CYP7B1: variants seen among roughly 807,000 people sequenced by gnomAD.
The protein encoded by CYP7B1 is cytochrome P450 family 7 subfamily B member 1, also known as cytochrome P450 7B1.
In CYP7B1, 29 loss-of-function variants were observed where a neutral mutation model predicts 42.7. The ratio of observed to expected loss-of-function variants is 0.68; its 90% CI spans 0.51 to 0.93. The LOEUF is 0.93. CYP7B1 is among the 40% of genes least tolerant of loss of function. CYP7B1 has a pLI of 0.00. For missense variants in CYP7B1, 655 were observed against 600.5 expected (o/e 1.09, Z -0.95); for synonymous variants, 235 against 218.2 (o/e 1.08, Z -0.68).
chr8:64,615,096 T>C lies in CYP7B1; in HGVS notation c.987A>G (p.Thr329=), dbSNP rs768442659. ...GAAATCCAGACCCTTTCTTTTGACC[T>C]GTTGACTGCAGCAAACGGTCAATTT... ...RDEIDRLLQS[T]GQKKGSGFPI... Residue 329 remains threonine, a synonymous_variant, in exon 4 of 6, where the codon ACA becomes ACG. Transcript: ENST00000310193. 6.8e-6 allele frequency: 11 copies of C among 1,613,744 alleles called. No homozygotes were observed. The highest frequency in any genetic ancestry group is 5.0e-5 in the Admixed American group (3 of 59,952).
intron 1 of CYP7B1, among the ~76,000 whole-genome samples, chr8:64,648,538 T>C (rs979368659): frequency 6.6e-6 from 1 of 152,198 alleles, no homozygotes; most frequent in African/African-American, 2.4e-5. Context: ...ATTCTTTAAT[T>C]TCAGTGCTTG....
In CYP7B1 at chr8:64,763,997, G is replaced by C. The variant is rs533646733; in HGVS notation, c.122+34469C>G. On this transcript the variant is annotated intron_variant, in intron 1 of 5. Coordinates refer to ENST00000310193, the MANE Select transcript of CYP7B1 (RefSeq NM_004820.5). The stretch of plus-strand genomic sequence containing the variant: ...TCCTCTAGCAAGTTGTATCTCCAAA[G>C]AGATCTAAGGAAGCTCTACACTGTG... 5.4e-3 allele frequency among the ~76,000 whole-genome samples: 819 copies of C among 152,038 alleles called. 8 individuals carry two copies. Among genetic ancestry groups the C allele is most frequent in the African/African-American group, 0.018 (760 of 41,454 alleles).
chr8:64,736,394 A>C (rs890367084), intron 1 of CYP7B1, among the ~76,000 whole-genome samples: 1 of 152,212 alleles, frequency 6.6e-6, no homozygotes, highest in African/African-American at 2.4e-5. Context: ...CAAAAAATGC[A>C]AGAAAATACA....
chr8:64,622,474 T>C (rs891039525), intron 2 of CYP7B1, among the ~76,000 whole-genome samples: 1 of 152,216 alleles, frequency 6.6e-6, no homozygotes, highest in Non-Finnish European at 1.5e-5. Flanking sequence ...ATCAGCATTG[T>C]CAAACCAGGT....
intron 1 of CYP7B1, among the ~76,000 whole-genome samples, chr8:64,638,250 A>T (rs1033114662): frequency 6.6e-6 from 1 of 152,002 alleles, no homozygotes; most frequent in African/African-American, 2.4e-5. Flanking sequence ...GATCCTTAGC[A>T]TCCATTCATA....
intron 1 of CYP7B1, among the ~76,000 whole-genome samples, chr8:64,704,797 T>C (rs1370075471): frequency 6.6e-6 from 1 of 152,056 alleles, no homozygotes; most frequent in African/African-American, 2.4e-5. Context: ...TCCAACAAAA[T>C]AATATATTTA....
chr8:64,651,706 C>T (rs1039856282), intron 1 of CYP7B1, among the ~76,000 whole-genome samples: 1 of 152,194 alleles, frequency 6.6e-6, no homozygotes, highest in African/African-American at 2.4e-5. Context: ...CTTACCTCTT[C>T]TGCCATATGA....
At chr8:64,610,205 T>A (rs767915394) in intron 4 of CYP7B1, among the ~76,000 whole-genome samples, 10 of 152,216 alleles carry the variant, frequency 6.6e-5, no homozygotes, top group Non-Finnish European at 1.5e-4. Context: ...TCTAACCACC[T>A]TAGCTTTGTG....
rs542967687 is a variant in CYP7B1, at chr8:64,780,379, A to T, written c.122+18087T>A. ...GTAAAGCTTCTAAAGTTTCTTCTTT[A>T]TTAATGTCAACTATTTAGGATGAAG... is the stretch of plus-strand genomic sequence containing the variant. On this transcript the variant is annotated intron_variant, in intron 1 of 5. Transcript: ENST00000310193. Among the ~76,000 whole-genome samples the T allele has an allele frequency of 4.7e-4, 72 of 152,266 alleles. 2 individuals are homozygous for T. In the South Asian group the frequency reaches 0.015, roughly 31 times the overall value.
intron 1 of CYP7B1, among the ~76,000 whole-genome samples, chr8:64,772,098 A>G (rs941343208): frequency 1.3e-5 from 2 of 152,188 alleles, no homozygotes; most frequent in Admixed American, 6.5e-5. Context: ...GAGAATTTTT[A>G]CAGACTCTCA....
chr8:64,753,801 G>C (rs1807766441), intron 1 of CYP7B1, among the ~76,000 whole-genome samples: 2 of 152,212 alleles, frequency 1.3e-5, no homozygotes, highest in South Asian at 4.1e-4. Flanking sequence ...GGTGACACTT[G>C]AGCTGCACTT....
chr8:64,714,585 T>G (rs1466355810), intron 1 of CYP7B1, among the ~76,000 whole-genome samples: 1 of 152,212 alleles, frequency 6.6e-6, no homozygotes, highest in Admixed American at 6.5e-5. Context: ...GCTTGTCCTT[T>G]GTCACATATG....
rs1805044983 is a variant in CYP7B1 at position 64,592,093 on chromosome 8, C to A, written c.*4549G>T. On this transcript the variant is annotated 3_prime_UTR_variant, in exon 6 of 6. Coordinates refer to ENST00000310193, the MANE Select transcript of CYP7B1 (RefSeq NM_004820.5). ...GTCCCAGCTACTCGGAGGGCTGAGA[C>A]AAGGGAATTGCTTGAACCCAGGAAG... Among the ~76,000 whole-genome samples, 1 of 151,356 alleles carries A rather than the reference C, an allele frequency of 6.6e-6. No homozygotes were observed. Among genetic ancestry groups the A allele is most frequent in the East Asian group, 2.0e-4 (1 of 5,128 alleles).
At chr8:64,761,798 TAA>T (rs1272479512) in intron 1 of CYP7B1, among the ~76,000 whole-genome samples, 2 of 152,208 alleles carry the variant, frequency 1.3e-5, no homozygotes, top group African/African-American at 4.8e-5. Flanking sequence ...GTTTCCTAAA[TAA>T]GACTTCAGAT....
intron 1 of CYP7B1, among the ~76,000 whole-genome samples, chr8:64,775,395 C>T (rs952106077): frequency 2.0e-5 from 3 of 152,054 alleles, no homozygotes; most frequent in Admixed American, 2.0e-4. Context: ...TCAGGTTTCT[C>T]GGCATTTTGG....
chr8:64,624,305 C>A, intron 2 of CYP7B1, 98 bp downstream of exon 2: 1 of 1,145,158 alleles, frequency 8.7e-7, no homozygotes, highest in South Asian at 1.4e-5. Context: ...TAAAAATATA[C>A]AAATATTCTA....
At chr8:64,753,465 C>T (rs933491945) in intron 1 of CYP7B1, among the ~76,000 whole-genome samples, 7 of 152,162 alleles carry the variant, frequency 4.6e-5, no homozygotes, top group Non-Finnish European at 8.8e-5. Flanking sequence ...CCTTGTCACA[C>T]CAAGGACTAA....
chr8:64,766,378 G>A (rs1807973322), intron 1 of CYP7B1, among the ~76,000 whole-genome samples: 1 of 152,142 alleles, frequency 6.6e-6, no homozygotes, highest in African/African-American at 2.4e-5. Context: ...TTATCACTCA[G>A]TCAGTTGCCG....
rs1402015391 is a variant in CYP7B1 at position 64,775,337 on chromosome 8, C to G, written c.122+23129G>C. 6.6e-5 allele frequency among the ~76,000 whole-genome samples: 10 copies of G among 152,230 alleles called. No individual in the cohort carries two copies. In the South Asian group the frequency reaches 2.1e-3, roughly 32 times the overall value. ...TTCCAAATAACCACCTTAGCTCCAA[C>G]TAAAGTGGAGCCAATGAGTTATATT... On this transcript the variant is annotated intron_variant, in intron 1 of 5. Coordinates refer to ENST00000310193, the MANE Select transcript of CYP7B1 (RefSeq NM_004820.5).
Sources: gnomAD v4.1 joint callset for allele counts (sites outside exome capture counted in the v4.1 genomes callset) on GRCh38, gnomAD v4.1.1 for gene constraint, MANE v1.5 for transcripts, NCBI Gene and HGNC (gene_info 2026-07-23, HGNC 2026-07-21) for gene names.